Variants in GAK observed in about 807,000 individuals in gnomAD.
GAK encodes cyclin G associated kinase, also known as cyclin-G-associated kinase.
In GAK, 79 loss-of-function variants were observed where a neutral mutation model predicts 143.9. That is an observed-to-expected ratio of 0.55 (90% CI 0.46 to 0.66). The LOEUF (loss-of-function observed/expected upper bound fraction) is 0.66, where lower values mean the gene tolerates loss of function less well. Among genes scored for constraint, GAK ranks in the 30% least tolerant of loss-of-function variants. The pLI is 0.00. For missense variants in GAK, 1,693 were observed against 1,779.7 expected, an observed-to-expected ratio of 0.95 and a Z score of 0.88; for synonymous variants, 881 against 765.5, an observed-to-expected ratio of 1.15 and a Z score of -2.49.
At chr4:894,228 A>C (rs1300184517) in intron 7 of GAK, 44 of 338,768 alleles carry the variant, frequency 1.3e-4, no homozygotes, top group African/African-American at 1.1e-3. Context: ...CTGCGGGAAC[A>C]ACAGGGGTGA....
chr4:885,569 C>T (rs1716158644), intron 11 of GAK, among the ~76,000 whole-genome samples: 1 of 152,164 alleles, frequency 6.6e-6, no homozygotes, highest in South Asian at 2.1e-4. Context: ...ACGTGTACCA[C>T]AGGTGTGTGT....
chr4:897,429 G>T lies in GAK; in HGVS notation c.651+604C>A, dbSNP rs1033704409. ...CAATGCAAGACACAAGAGCAAGAAG[G>T]CCCAAGTGCAGAGAGCGCAAGTTAA... On this transcript the variant is annotated intron_variant, in intron 6 of 27. Transcript: ENST00000314167. 7.2e-5 allele frequency among the ~76,000 whole-genome samples: 11 copies of T among 152,172 alleles called. 1 individual carries two copies. In the East Asian group the frequency reaches 2.1e-3, roughly 29 times the overall value.
chr4:899,197 C>G (rs1719383337), intron 5 of GAK, among the ~76,000 whole-genome samples: 1 of 152,246 alleles, frequency 6.6e-6, no homozygotes, highest in African/African-American at 2.4e-5. Flanking sequence ...AGCCTCAGCC[C>G]CAACATTTAG....
rs371893507 is a variant in GAK at position 883,985 on chromosome 4, G to A, written c.1255+52C>T. Reference sequence around the variant, plus strand: ...CTGACACACAACAGGGACTCACTGGGCACACAGGGAAGGGCCGGGGCGCGT... The same window carrying A: ...CTGACACACAACAGGGACTCACTGGACACACAGGGAAGGGCCGGGGCGCGT... On this transcript the variant is annotated intron_variant, in intron 12 of 27. Transcript: ENST00000314167. 478 of 1,515,776 alleles carry A rather than the reference G, an allele frequency of 3.2e-4. 1 individual carries two copies. Among genetic ancestry groups the A allele is most frequent in the Middle Eastern group, 1.7e-4 (1 of 5,824 alleles). 93.9% of individuals were successfully genotyped at this position (1,515,776 alleles called of 1,614,324 possible).
At chr4:876,800 C>T (rs942200511) in intron 17 of GAK, among the ~76,000 whole-genome samples, 191 bp from the exon 18 acceptor site, 27 of 152,222 alleles carry the variant, frequency 1.8e-4, no homozygotes, top group Admixed American at 1.3e-4. Context: ...CTGAGGAGAA[C>T]GCATGGGCCC....
intron 14 of GAK, 99 bp from the exon 15 acceptor site, chr4:882,139 C>T (rs535825565): frequency 6.5e-5 from 85 of 1,317,452 alleles, no homozygotes; most frequent in Non-Finnish European, 8.3e-5. Context: ...GCTGCAGGGA[C>T]GCAGGGCTGT....
intron 1 of GAK, chr4:915,756 C>T (rs1396812401): frequency 6.6e-6 from 1 of 152,198 alleles, no homozygotes; most frequent in African/African-American, 2.4e-5. Flanking sequence ...AACAGGAACA[C>T]TGCATTTCGT....
At chr4:867,638 G>A (rs546568678) in intron 20 of GAK, among the ~76,000 whole-genome samples, 11 of 151,512 alleles carry the variant, frequency 7.3e-5, no homozygotes, top group Middle Eastern at 6.8e-3. Flanking sequence ...GGTCCCCATG[G>A]CATGGCCCCT....
rs766292898 is a variant in GAK, at chr4:867,254, C to G, written c.2574G>C (p.Gln858His). 7 of 1,613,350 alleles carry G rather than the reference C, an allele frequency of 4.3e-6. No individual in the cohort carries two copies. Among genetic ancestry groups the G allele is most frequent in the Admixed American group, 3.3e-5 (2 of 59,980 alleles). Residue 858 changes from glutamine (Q) to histidine (H), a missense_variant, in exon 21 of 28, where the codon CAG becomes CAC. Gln to His is a conservative substitution (Grantham distance 24). Transcript: ENST00000314167. ...TCTCCACCTCAAAAACCAAGTCCTG[C>G]TGCACCAGCCCTGCTGCCAGGCCGG... ...EPPGLAAGLVQQDLVFEVETP... is the reference protein window; with the variant it reads ...EPPGLAAGLVHQDLVFEVETP...
At chr4:931,998 A>T in intron 1 of GAK, 45 bp downstream of exon 1, 1 of 1,370,404 alleles carries the variant, frequency 7.3e-7, no homozygotes, top group Non-Finnish European at 1.0e-6. Context: ...CGTCCCGGAG[A>T]CAACACTCCG....
At chr4:856,636 A>AGGT (rs1749329130) in intron 24 of GAK, among the ~76,000 whole-genome samples, 1 of 140,370 alleles carries the variant, frequency 7.1e-6, no homozygotes, top group East Asian at 2.2e-4. Context: ...TGCTCACCAC[A>AGGT]GCTGCTCACA....
chr4:865,211 G>T lies in GAK; in HGVS notation c.3077C>A (p.Ala1026Asp). The change falls in exon 23 of 28, where the codon GCC (alanine) becomes GAC (aspartate). Residue 1026 changes from alanine to aspartate, a missense_variant. Transcript: ENST00000314167. ...DLPGEPSKMT[A>D]SSSNPDLLGG... ...CAGCAGGTCTGGGTTGCTGGACGAG[G>T]CTGTCATCTTGCTGGGCTCTCCTGG... 6.2e-7 allele frequency: 1 copy of T among 1,613,378 alleles called. No homozygotes were observed.
chr4:926,188 T>G (rs756688464), intron 1 of GAK, among the ~76,000 whole-genome samples: 2 of 150,556 alleles, frequency 1.3e-5, no homozygotes, highest in Non-Finnish European at 3.0e-5. Context: ...CCCCCAATGG[T>G]GAGCCCACCC....
chr4:923,600 G>A (rs1254163884), intron 1 of GAK, among the ~76,000 whole-genome samples: 2 of 152,036 alleles, frequency 1.3e-5, no homozygotes, highest in African/African-American at 4.8e-5. Flanking sequence ...GCTTGAGTCC[G>A]GGAGTTCAAG....
intron 2 of GAK, among the ~76,000 whole-genome samples, chr4:913,300 G>C (rs1292494438): frequency 1.3e-5 from 2 of 152,216 alleles, no homozygotes; most frequent in African/African-American, 2.4e-5. Flanking sequence ...TAAACTCCTT[G>C]TATTCATAGA....
Position 851,761 on chromosome 4 carries a change from G to A in GAK, c.3497C>T (p.Ala1166Val), listed in dbSNP as rs748803243. ...AGTGGGGGACTCACCAAAGCTGGGT[G>A]CGCGGACCCCCCGCTCCTCCCGCGC... is the stretch of plus-strand genomic sequence containing the variant. ...IGAREERGVR[A>V]PSFAQKPKVS... Residue 1166 changes from alanine to valine, a missense_variant, in exon 25 of 28, where the codon GCA becomes GTA. Physicochemically the swap from Ala to Val is moderately conservative, Grantham distance 64 (BLOSUM62 0). Coordinates refer to ENST00000314167, the MANE Select transcript of GAK (RefSeq NM_005255.4). The A allele has an allele frequency of 1.2e-5, 20 of 1,613,198 alleles. No individual in the cohort carries two copies. The highest frequency in any genetic ancestry group is 1.7e-5 in the Admixed American group (1 of 59,964).
intron 20 of GAK, 54 bp downstream of exon 20, chr4:868,485 T>A (rs1018083864): frequency 1.3e-6 from 2 of 1,577,324 alleles, no homozygotes; most frequent in African/African-American, 2.7e-5. Context: ...CAGGGGCACC[T>A]CCAGACCAGG....
At chr4:913,516 C>G in intron 2 of GAK, 91 bp downstream of exon 2, 1 of 986,326 alleles carries the variant, frequency 1.0e-6, no homozygotes, top group Non-Finnish European at 1.6e-6. Flanking sequence ...AAACAAAGTA[C>G]GTAACAGGGA....
intron 24 of GAK, among the ~76,000 whole-genome samples, chr4:857,452 T>C (rs559252415): frequency 1.3e-5 from 2 of 152,338 alleles, no homozygotes; most frequent in South Asian, 4.1e-4. Flanking sequence ...GTTTCCTTTT[T>C]GGGAAGTTTT....
Sources: allele counts gnomAD v4.1 joint callset (sites outside exome capture counted in the v4.1 genomes callset), GRCh38; gene constraint gnomAD v4.1.1; transcripts MANE v1.5; gene names NCBI Gene and HGNC (gene_info 2026-07-23, HGNC 2026-07-21).